The following COL5A2 variants were observed in gnomAD, a reference collection of about 807,000 sequenced individuals.
The protein encoded by COL5A2 is collagen type V alpha 2 chain, also known as collagen alpha-2(V) chain.
COL5A2 carries 23 observed loss-of-function variants against 208.2 expected under a neutral mutation model. That is an observed-to-expected ratio of 0.11 (90% confidence interval 0.08 to 0.16). The LOEUF (loss-of-function observed/expected upper bound fraction) is 0.16. COL5A2 is among the 10% of genes least tolerant of loss of function. The probability of loss-of-function intolerance (pLI) is 1.00; values close to 1 mark genes in which losing one functional copy is unlikely to be tolerated. For missense variants in COL5A2, 1,590 were observed against 1,956.4 expected, an observed-to-expected ratio of 0.81 and a Z score of 3.53; for synonymous variants, 625 against 628.5, an observed-to-expected ratio of 0.99 and a Z score of 0.08.
At chr2:189,059,504 T>A (rs548230083) in intron 31 of COL5A2, among the ~76,000 whole-genome samples, 1 of 151,314 alleles carries the variant, frequency 6.6e-6, no homozygotes, top group Non-Finnish European at 1.5e-5. Flanking sequence ...TTCTCCGAAA[T>A]GGACTGTCCT....
At chr2:189,305,828 A>C in the COL5A2 span, among the ~76,000 whole-genome samples, 5 of 152,120 alleles carry the variant, frequency 3.3e-5, no homozygotes, top group South Asian at 2.1e-4. Flanking sequence ...AAAAAAAAAA[A>C]AAAACTAGAC....
rs1478410373 is a variant in COL5A2, at chr2:189,100,114, A to T, written c.362T>A (p.Val121Glu). ...GATTATACATATACTTACAACAGGC[A>T]CTAATCCTGGTTCTCCCTTTTGTCC... ...RKGQKGEPGL[V>E]PVVTGIRGRP... Residue 121 changes from valine (V) to glutamate (E), a missense_variant, in exon 4 of 54, where the codon GTG becomes GAG. Coordinates refer to ENST00000374866, the MANE Select transcript of COL5A2 (RefSeq NM_000393.5). The T allele has an allele frequency of 6.2e-7, 1 of 1,610,010 alleles. No individual in the cohort carries two copies.
In COL5A2 at chr2:189,133,561, T is replaced by G. The variant is rs185475028; in HGVS notation, c.98-23112A>C. ...ATAGTGATAGGGATGGCATGAAGTC[T>G]TTTCCTTTGTTGAGCTGCGAAATGG... On this transcript the variant is annotated intron_variant, in intron 1 of 53. Transcript: ENST00000374866. 2.7e-3 allele frequency among the ~76,000 whole-genome samples: 415 copies of G among 152,282 alleles called. 2 individuals are homozygous for G. Among genetic ancestry groups the G allele is most frequent in the African/African-American group, 9.3e-3 (387 of 41,556 alleles).
upstream of COL5A2, among the ~76,000 whole-genome samples, chr2:189,230,090 T>TA (rs1204358459): frequency 6.6e-6 from 1 of 151,826 alleles, no homozygotes; most frequent in African/African-American, 2.4e-5. Context: ...GGGATAAAGA[T>TA]AGTGTGTTTA....
the COL5A2 span, among the ~76,000 whole-genome samples, chr2:189,338,696 T>C: frequency 1.4e-5 from 2 of 147,950 alleles, no homozygotes; most frequent in African/African-American, 4.9e-5. Flanking sequence ...TAAAAATTAT[T>C]ATTTTATATT....
chr2:189,042,987 A>T (rs1685590742), intron 48 of COL5A2, among the ~76,000 whole-genome samples, 164 bp downstream of exon 48: 1 of 152,230 alleles, frequency 6.6e-6, no homozygotes, highest in Admixed American at 6.5e-5. Context: ...ACAAAATTAT[A>T]GCTTATTATT....
chr2:189,295,733 C>T, the COL5A2 span, among the ~76,000 whole-genome samples: 2 of 152,194 alleles, frequency 1.3e-5, no homozygotes, highest in Non-Finnish European at 2.9e-5. Flanking sequence ...ATTCTGGTTC[C>T]ACCGTTTCTA....
At chr2:189,089,010 A>T (rs1686725997) in intron 7 of COL5A2, among the ~76,000 whole-genome samples, 1 of 152,192 alleles carries the variant, frequency 6.6e-6, no homozygotes, top group Admixed American at 6.5e-5. Flanking sequence ...GCAGTTTCTG[A>T]AACAGGGCAA....
intron 1 of COL5A2, among the ~76,000 whole-genome samples, chr2:189,127,784 A>G (rs1687636252): frequency 6.6e-6 from 1 of 152,038 alleles, no homozygotes; most frequent in Non-Finnish European, 1.5e-5. Flanking sequence ...ATGTAGAGTC[A>G]TGCTCACCTG....
At chr2:189,140,307 C>A (rs1576551536) in intron 1 of COL5A2, among the ~76,000 whole-genome samples, 2 of 152,090 alleles carry the variant, frequency 1.3e-5, no homozygotes, top group East Asian at 3.9e-4. Flanking sequence ...ACAGAAAAAA[C>A]ATGCCCAGGG....
chr2:189,289,274 G>T, the COL5A2 span, among the ~76,000 whole-genome samples: 28 of 152,046 alleles, frequency 1.8e-4, 1 homozygote, highest in Non-Finnish European at 2.8e-4. Flanking sequence ...CTGGGAGGCG[G>T]AGGTTGCAGT....
chr2:189,052,086 A>T, intron 41 of COL5A2, 86 bp downstream of exon 41: 1 of 1,122,016 alleles, frequency 8.9e-7, no homozygotes, highest in Non-Finnish European at 1.3e-6. Flanking sequence ...TTAAGAAATT[A>T]AATAAAATAA....
the COL5A2 span, among the ~76,000 whole-genome samples, chr2:189,273,345 CA>C: frequency 6.0e-5 from 9 of 149,146 alleles, no homozygotes; most frequent in South Asian, 2.1e-4. Context: ...ATCAAAAATA[CA>C]AAAAAAAAGT....
intron 1 of COL5A2, among the ~76,000 whole-genome samples, chr2:189,198,669 T>A (rs1689035882): frequency 6.6e-6 from 1 of 152,174 alleles, no homozygotes; most frequent in Admixed American, 6.5e-5. Context: ...ATTGTTTTCA[T>A]AATAGTGAAA....
the COL5A2 span, among the ~76,000 whole-genome samples, chr2:189,417,297 T>C: frequency 1.3e-5 from 2 of 152,172 alleles, no homozygotes; most frequent in Admixed American, 6.5e-5. Context: ...ACAGAATTGA[T>C]CTACCAACTT....
chr2:189,417,736 T>C, the COL5A2 span, among the ~76,000 whole-genome samples: 1 of 152,094 alleles, frequency 6.6e-6, no homozygotes, highest in African/African-American at 2.4e-5. Context: ...CGTGATGTCC[T>C]CCAGTTCCAT....
the COL5A2 span, among the ~76,000 whole-genome samples, chr2:189,343,714 C>A: frequency 1.3e-5 from 2 of 152,202 alleles, no homozygotes; most frequent in Non-Finnish European, 2.9e-5. Context: ...AAGTAAGAAC[C>A]TTAAATCCAT....
chr2:189,191,835 T>G (rs189157776), intron 1 of COL5A2, among the ~76,000 whole-genome samples: 6 of 152,058 alleles, frequency 3.9e-5, no homozygotes, highest in Middle Eastern at 3.4e-3. Context: ...CAGAATGCTG[T>G]GTCTTGAGGG....
chr2:189,229,416 G>GCA (rs1390350799), upstream of COL5A2, among the ~76,000 whole-genome samples: 1 of 144,398 alleles, frequency 6.9e-6, no homozygotes, highest in Non-Finnish European at 1.5e-5. Flanking sequence ...CCTGAAGATT[G>GCA]CACACACACA....
Sources: allele counts gnomAD v4.1 joint callset (sites outside exome capture counted in the v4.1 genomes callset), GRCh38; gene constraint gnomAD v4.1.1; transcripts MANE v1.5; gene names NCBI Gene and HGNC (gene_info 2026-07-23, HGNC 2026-07-21).